Variants in APOL2 observed in about 807,000 individuals in gnomAD.
APOL2 encodes apolipoprotein L, 2.
Under a neutral mutation model 7.1 loss-of-function variants are expected in APOL2, and 8 were observed. That is an observed-to-expected ratio of 1.12 (90% confidence interval 0.66 to 2.03). APOL2 has a LOEUF of 2.03. Among genes scored for constraint, APOL2 ranks in the 30% most tolerant of loss-of-function variants. The pLI is 0.00. For synonymous variants in APOL2, 177 were observed against 159.9 expected (o/e 1.11, Z -0.81); for missense variants, 471 against 415.1 (o/e 1.13, Z -1.17).
At position 36,233,440 on chromosome 22, in the gene APOL2, G is replaced by A. The variant is rs1024570646; in HGVS notation, c.-118C>T. 2.6e-6 allele frequency: 4 copies of A among 1,550,542 alleles called. No homozygotes were observed. Among genetic ancestry groups the A allele is most frequent in the Admixed American group, 3.9e-5 (2 of 51,072 alleles). On this transcript the variant is annotated 5_prime_UTR_variant, in exon 2 of 5. Coordinates refer to ENST00000358502, the MANE Select transcript of APOL2 (RefSeq NM_030882.4). ...CCTCTTCCCTCACTCTCACACCAAG[G>A]CAGGGTCCTCTTGTCCTGTAGGGGT... is the stretch of plus-strand genomic sequence containing the variant.
At position 36,227,529 on chromosome 22, in the gene APOL2, G is replaced by T. The variant is rs1459587354; in HGVS notation, c.889C>A (p.His297Asn). ...TCTGACTTTGCCCCCTCAAGCAAGTGCTTTGACTCATATGCAAGGCTGACC... is the reference window on the plus strand; with the variant it reads ...TCTGACTTTGCCCCCTCAAGCAAGTTCTTTGACTCATATGCAAGGCTGACC... ...DVVSLAYESK[H>N]LLEGAKSESA... Residue 297 changes from histidine to asparagine, a missense_variant, in exon 5 of 5, where the codon CAC (histidine) becomes AAC (asparagine). Transcript: ENST00000358502. 1.2e-6 allele frequency: 2 copies of T among 1,614,172 alleles called. No homozygotes were observed. Among genetic ancestry groups the T allele is most frequent in the Admixed American group, 1.7e-5 (1 of 60,014 alleles).
At chr22:36,228,620 C>T (rs1457144485) in intron 4 of APOL2, among the ~76,000 whole-genome samples, 2 of 152,138 alleles carry the variant, frequency 1.3e-5, no homozygotes, top group Non-Finnish European at 2.9e-5. Context: ...GAACAAAGAG[C>T]AGTGAGAGTG....
rs759266399 is a variant in APOL2, at chr22:36,231,385, T to A, written c.92A>T (p.Asp31Val). Residue 31 changes from aspartate to valine, a missense_variant, in exon 4 of 5, where the codon GAT (aspartate) becomes GTT (valine). Coordinates refer to ENST00000358502, the MANE Select transcript of APOL2 (RefSeq NM_030882.4). ...SRENLLQLLTDDEAWNGFVAA... is the reference protein window; with the variant it reads ...SRENLLQLLTVDEAWNGFVAA... Reference sequence around the variant, plus strand: ...CACGAATCCATTCCAGGCTTCATCATCAGTCAGCAGTTGTAGCAGATTCTC... The same window carrying A: ...CACGAATCCATTCCAGGCTTCATCAACAGTCAGCAGTTGTAGCAGATTCTC... 6.2e-7 allele frequency: 1 copy of A among 1,614,198 alleles called. No individual in the cohort carries two copies. The highest frequency in any genetic ancestry group is 1.1e-5 in the South Asian group (1 of 91,092).
In APOL2 at chr22:36,226,655, T is replaced by C. The variant is rs1400164054; in HGVS notation, c.*749A>G. On this transcript the variant is annotated 3_prime_UTR_variant, in exon 5 of 5. Coordinates refer to ENST00000358502, the MANE Select transcript of APOL2 (RefSeq NM_030882.4). ...GAAAGACTTTATTCTTGGAAGGACA[T>C]CAAACCTGGGGGGGGGTCGGTAGTG... The C allele has an allele frequency of 8.4e-6, 1 of 119,064 alleles. No homozygotes were observed. Among genetic ancestry groups the C allele is most frequent in the African/African-American group, 3.1e-5 (1 of 31,978 alleles). The allele number at this position is 119,064 out of a possible 1,614,324, so 7.4% of individuals were successfully genotyped here.
rs201957684 is a variant in APOL2, at chr22:36,227,658, C to T, written c.760G>A (p.Gly254Ser). Reference protein sequence around the residue: ...HVIGRISAEGGEQVERVVEGP... With the variant: ...HVIGRISAEGSEQVERVVEGP... ...TCAACAACCCTCTCAACCTGTTCACCGCCTTCAGCTGAGATTCGCCCAATG... is the reference window on the plus strand; with the variant it reads ...TCAACAACCCTCTCAACCTGTTCACTGCCTTCAGCTGAGATTCGCCCAATG... The change falls in exon 5 of 5, where the codon GGT becomes AGT. Residue 254 changes from glycine (G) to serine (S), a missense_variant. Coordinates refer to ENST00000358502, the MANE Select transcript of APOL2 (RefSeq NM_030882.4). 26 of 1,614,108 alleles carry T rather than the reference C, an allele frequency of 1.6e-5. No individual in the cohort carries two copies. In the Admixed American group the frequency reaches 1.7e-4, roughly 10 times the overall value.
intron 1 of APOL2, among the ~76,000 whole-genome samples, chr22:36,233,953 G>C (rs548638959): frequency 4.6e-5 from 7 of 152,124 alleles, no homozygotes; most frequent in East Asian, 1.9e-4. Context: ...CTGTGTCCCC[G>C]TTGCTTCTCT....
At chr22:36,234,236 C>T (rs2015327644) in intron 1 of APOL2, 2 of 152,204 alleles carry the variant, frequency 1.3e-5, no homozygotes, top group South Asian at 4.1e-4. Context: ...GTTTTTATAC[C>T]TAGAGCCACT....
At position 36,227,880 on chromosome 22, in the gene APOL2, G is replaced by C. The variant is rs973778659; in HGVS notation, c.538C>G (p.Gln180Glu). 1.2e-6 allele frequency: 2 copies of C among 1,614,196 alleles called. No individual in the cohort carries two copies. Among genetic ancestry groups the C allele is most frequent in the Middle Eastern group, 1.6e-4 (1 of 6,062 alleles). ...CCGCTTTGGTCCAAGTTGCGGGCTT[G>C]GGCTCGTGCCCGCAATTTGTTTACT... ...ELVNKLRARA[Q>E]ARNLDQSGTN... The change falls in exon 5 of 5, where the codon CAA becomes GAA. Residue 180 changes from glutamine (Q) to glutamate (E), a missense_variant. Coordinates refer to ENST00000358502, the MANE Select transcript of APOL2 (RefSeq NM_030882.4).
At chr22:36,239,587 G>A (rs1172561755), upstream of APOL2, 4 of 1,366,462 alleles carry the variant, frequency 2.9e-6, no homozygotes, top group African/African-American at 1.4e-5. Context: ...GAAAGTGAAA[G>A]TCACAACTTC....
intron 1 of APOL2, chr22:36,237,486 G>T: frequency 1.4e-6 from 1 of 711,452 alleles, no homozygotes; most frequent in Non-Finnish European, 1.8e-6. Context: ...ACAGCTTGCT[G>T]TAGCCTAGAG....
chr22:36,237,014 G>A (rs1173403427), intron 1 of APOL2: 1 of 1,424,802 alleles, frequency 7.0e-7, no homozygotes, highest in African/African-American at 1.5e-5. Flanking sequence ...AGGAGGACCA[G>A]GAGGGAGAAG....
At chr22:36,239,676 T>C (rs2015537264), upstream of APOL2, 1 of 623,008 alleles carries the variant, frequency 1.6e-6, no homozygotes, top group Admixed American at 2.5e-5. Flanking sequence ...TCCTTGCTGC[T>C]GCACTTAGAG....
At chr22:36,228,814 A>T (rs1389066629) in intron 4 of APOL2, among the ~76,000 whole-genome samples, 3 of 152,112 alleles carry the variant, frequency 2.0e-5, no homozygotes, top group Non-Finnish European at 4.4e-5. Flanking sequence ...GATGTGATGG[A>T]TGATAGGGTT....
chr22:36,227,693 G>C lies in APOL2; in HGVS notation c.725C>G (p.Pro242Arg). ...ANPQLGAYAP[P>R]PHVIGRISAE... ...TGAGATTCGCCCAATGACATGCGGG[G>C]GTGGGGCATACGCTCCTAACTGAGG... The change falls in exon 5 of 5, where the codon CCC (proline) becomes CGC (arginine). Residue 242 changes from proline (P) to arginine (R), a missense_variant. Physicochemically the swap from Pro to Arg is moderately radical, Grantham distance 103. Coordinates refer to ENST00000358502, the MANE Select transcript of APOL2 (RefSeq NM_030882.4). 4 of 1,614,224 alleles carry C rather than the reference G, an allele frequency of 2.5e-6. No homozygotes were observed. Among genetic ancestry groups the C allele is most frequent in the Non-Finnish European group, 3.4e-6 (4 of 1,180,036 alleles).
chr22:36,237,557 C>T (rs1400813927), intron 1 of APOL2, among the ~76,000 whole-genome samples: 2 of 152,122 alleles, frequency 1.3e-5, no homozygotes, highest in East Asian at 1.9e-4. Context: ...TACAGGCACA[C>T]GGCACCATGC....
At chr22:36,231,284 G>A in intron 4 of APOL2, 56 bp downstream of exon 4, 3 of 1,599,024 alleles carry the variant, frequency 1.9e-6, no homozygotes, top group Non-Finnish European at 1.7e-6. Context: ...CCAGCCCAGG[G>A]GAGATCTGAG....
At chr22:36,229,518 T>G (rs1195509232) in intron 4 of APOL2, among the ~76,000 whole-genome samples, 1 of 152,230 alleles carries the variant, frequency 6.6e-6, no homozygotes, top group African/African-American at 2.4e-5. Flanking sequence ...CAATGAAGAT[T>G]CACACCTGAA....
intron 3 of APOL2, 60 bp downstream of exon 3, chr22:36,233,093 G>A (rs1054254931): frequency 9.7e-6 from 15 of 1,543,010 alleles, no homozygotes; most frequent in African/African-American, 2.7e-5. Flanking sequence ...AGCTGTGGAG[G>A]TGCCACCCTC....
At chr22:36,238,015 C>T (rs377325385) in intron 1 of APOL2, among the ~76,000 whole-genome samples, 4 of 152,192 alleles carry the variant, frequency 2.6e-5, no homozygotes, top group Non-Finnish European at 5.9e-5. Context: ...CTGGTCCATG[C>T]GGCGGCCCCC....
Sources: allele counts gnomAD v4.1 joint callset (sites outside exome capture counted in the v4.1 genomes callset), GRCh38; gene constraint gnomAD v4.1.1; transcripts MANE v1.5; gene names NCBI Gene and HGNC (gene_info 2026-07-23, HGNC 2026-07-21).